Variants in ZNF609 observed in about 807,000 individuals in gnomAD.
ZNF609 encodes zinc finger protein 609.
A neutral mutation model predicts 109.5 loss-of-function variants in ZNF609; 11 were observed. The ratio of observed to expected loss-of-function variants is 0.10; its 90% CI spans 0.06 to 0.17. The LOEUF (loss-of-function observed/expected upper bound fraction) is 0.17. Among genes scored for constraint, ZNF609 ranks in the 10% least tolerant of loss-of-function variants. The pLI, the probability that ZNF609 is intolerant of heterozygous loss-of-function variation, is 1.00. For synonymous variants in ZNF609, 646 were observed against 662.0 expected (o/e 0.98, Z 0.37); for missense variants, 1,559 against 1,772.4 (o/e 0.88, Z 2.16).
intron 2 of ZNF609, among the ~76,000 whole-genome samples, chr15:64,572,261 C>T (rs958616298): frequency 6.6e-6 from 1 of 152,074 alleles, no homozygotes; most frequent in Non-Finnish European, 1.5e-5. Context: ...TTTGGGAAGC[C>T]GAAGTAGGCA....
chr15:64,484,539 G>A (rs1893303538), intron 1 of ZNF609, among the ~76,000 whole-genome samples: 1 of 151,814 alleles, frequency 6.6e-6, no homozygotes, highest in African/African-American at 2.4e-5. Context: ...AGCTGGGCGT[G>A]GTGGCGCGTG....
chr15:64,645,044 T>C (rs8025792), intron 3 of ZNF609, among the ~76,000 whole-genome samples: 45 of 144,538 alleles, frequency 3.1e-4, no homozygotes, highest in African/African-American at 1.2e-3. Flanking sequence ...TTCCTTCCTT[T>C]CTTTCTTCCT....
Position 64,682,679 on chromosome 15 carries a change from C to A in ZNF609, c.*993C>A, listed in dbSNP as rs1010269217. 6.6e-6 allele frequency: 1 copy of A among 152,586 alleles called. No individual in the cohort carries two copies. Among genetic ancestry groups the A allele is most frequent in the Non-Finnish European group, 1.5e-5 (1 of 68,056 alleles). 9.5% of individuals were successfully genotyped at this position (152,586 alleles called of 1,614,324 possible). On this transcript the variant is annotated 3_prime_UTR_variant, in exon 10 of 10. Coordinates refer to ENST00000326648, the MANE Select transcript of ZNF609 (RefSeq NM_015042.2). Reference sequence around the variant, plus strand: ...TGGGGAACCTTGGAGTCTGCCAGGTCACCTTAGGGCAAGGCCCAGAAGGCA... The same window carrying A: ...TGGGGAACCTTGGAGTCTGCCAGGTAACCTTAGGGCAAGGCCCAGAAGGCA...
rs114444008 is a variant in ZNF609, at chr15:64,677,193, A to T, written c.3403-923A>T. On this transcript the variant is annotated intron_variant, in intron 5 of 9. Transcript: ENST00000326648. ...GTCCTCCTGCCTCAGCCTCCCAATTAACCAGGACTACAGATGCATGCCACC... is the reference window on the plus strand; with the variant it reads ...GTCCTCCTGCCTCAGCCTCCCAATTTACCAGGACTACAGATGCATGCCACC... Among the ~76,000 whole-genome samples the T allele has an allele frequency of 9.0e-3, 1,370 of 151,956 alleles. 18 individuals carry two copies. The highest frequency in any genetic ancestry group is 0.031 in the African/African-American group (1,294 of 41,392).
intron 2 of ZNF609, among the ~76,000 whole-genome samples, chr15:64,567,975 C>T (rs1417415026): frequency 5.9e-5 from 9 of 152,056 alleles, no homozygotes; most frequent in Non-Finnish European, 8.8e-5. Flanking sequence ...TATTTTCTCC[C>T]TCCCAACATT....
At chr15:64,662,431 TCCCC>T (rs1896591963) in intron 3 of ZNF609, among the ~76,000 whole-genome samples, 1 of 151,788 alleles carries the variant, frequency 6.6e-6, no homozygotes. Context: ...GCTCAAGTGA[TCCCC>T]CCATGTCAGC....
At chr15:64,631,376 A>C (rs1476684621) in intron 3 of ZNF609, 4 of 724,980 alleles carry the variant, frequency 5.5e-6, no homozygotes, top group Non-Finnish European at 1.0e-5. Flanking sequence ...AACAATGCCA[A>C]CAGCGTGCTG....
At chr15:64,484,763 C>T (rs1179594104) in intron 1 of ZNF609, among the ~76,000 whole-genome samples, 1 of 148,396 alleles carries the variant, frequency 6.7e-6, no homozygotes, top group African/African-American at 2.5e-5. Context: ...ATCATGAGGT[C>T]ATGAGATCGA....
chr15:64,528,956 C>G (rs1894013400), intron 2 of ZNF609: 1 of 1,382,998 alleles, frequency 7.2e-7, no homozygotes, highest in Non-Finnish European at 1.0e-6. Context: ...GCCACTGACA[C>G]ATTGGCAGTG....
At chr15:64,547,973 C>T (rs1894396030) in intron 2 of ZNF609, among the ~76,000 whole-genome samples, 1 of 152,052 alleles carries the variant, frequency 6.6e-6, no homozygotes, top group Non-Finnish European at 1.5e-5. Context: ...AACCAAATAG[C>T]AGGAAAAAGT....
intron 1 of ZNF609, chr15:64,470,589 T>G (rs1893078933): frequency 6.6e-6 from 1 of 152,116 alleles, no homozygotes; most frequent in Non-Finnish European, 1.5e-5. Flanking sequence ...TGGCGTGATC[T>G]TGGTTCACTG....
intron 1 of ZNF609, among the ~76,000 whole-genome samples, chr15:64,489,775 G>T (rs148759292): frequency 1.3e-5 from 2 of 151,886 alleles, no homozygotes; most frequent in Non-Finnish European, 2.9e-5. Context: ...TGATCTGCCC[G>T]CCTCGGCCTC....
intron 2 of ZNF609, among the ~76,000 whole-genome samples, chr15:64,564,049 T>G (rs182097034): frequency 2.6e-3 from 387 of 151,694 alleles, no homozygotes; most frequent in Middle Eastern, 6.8e-3. Context: ...ACACCCGGCC[T>G]AAATTTTAAA....
At chr15:64,640,362 A>G (rs544098487) in intron 3 of ZNF609, among the ~76,000 whole-genome samples, 26 of 149,434 alleles carry the variant, frequency 1.7e-4, no homozygotes, top group South Asian at 1.3e-3. Context: ...CTGCATTACT[A>G]TTTACCCTTC....
chr15:64,672,214 G>A (rs1366960763), intron 4 of ZNF609, among the ~76,000 whole-genome samples: 4 of 149,306 alleles, frequency 2.7e-5, no homozygotes, highest in South Asian at 2.1e-4. Context: ...GGGTTTCACC[G>A]TTTTAGCCAG....
At chr15:64,672,303 C>T (rs1412207437) in intron 4 of ZNF609, among the ~76,000 whole-genome samples, 1 of 149,592 alleles carries the variant, frequency 6.7e-6, no homozygotes, top group African/African-American at 2.4e-5. Flanking sequence ...TGAGCCACCG[C>T]ACCCAGCCCA....
chr15:64,609,080 C>CT (rs1895664614), intron 2 of ZNF609, among the ~76,000 whole-genome samples: 2 of 39,936 alleles, frequency 5.0e-5, no homozygotes, highest in South Asian at 6.5e-4. Context: ...TTCTTTCTTT[C>CT]TTTCTTTCTT....
Position 64,678,412 on chromosome 15 carries a change from C to T in ZNF609, c.3699C>T (p.Tyr1233=), listed in dbSNP as rs748830597. ...SYIPYMHGYS[Y]SQSYDPNHPS... is the part of the protein sequence containing the mutation. ...TCCCCTACATGCACGGCTATTCCTACAGTCAGTCCTACGACCCCAACCACC... is the reference window on the plus strand; with the variant it reads ...TCCCCTACATGCACGGCTATTCCTATAGTCAGTCCTACGACCCCAACCACC... The change falls in exon 6 of 10, where the codon TAC becomes TAT. Residue 1233 remains tyrosine (Y), a synonymous_variant. Transcript: ENST00000326648. 5 of 1,612,774 alleles carry T rather than the reference C, an allele frequency of 3.1e-6. No homozygotes were observed. In the East Asian group the frequency reaches 1.1e-4, roughly 36 times the overall value.
At chr15:64,470,818 C>T (rs1893081474) in intron 1 of ZNF609, among the ~76,000 whole-genome samples, 1 of 152,142 alleles carries the variant, frequency 6.6e-6, no homozygotes, top group Non-Finnish European at 1.5e-5. Context: ...CTGCACCCGG[C>T]CTCTTTCAAG....
Sources: gnomAD v4.1 joint callset for allele counts (sites outside exome capture counted in the v4.1 genomes callset) on GRCh38, gnomAD v4.1.1 for gene constraint, MANE v1.5 for transcripts, NCBI Gene and HGNC (gene_info 2026-07-23, HGNC 2026-07-21) for gene names.